The following ATXN1 variants were observed in gnomAD, a reference collection of about 807,000 sequenced individuals.
ATXN1 encodes ataxin-1.
In ATXN1, 8 loss-of-function variants were observed where a neutral mutation model predicts 56.4. That is an observed-to-expected ratio of 0.14 (90% CI 0.08 to 0.26). The LOEUF (loss-of-function observed/expected upper bound fraction) is 0.26. ATXN1 is among the 10% of genes least tolerant of loss of function. The pLI is 1.00. For synonymous variants in ATXN1, 514 were observed against 494.6 expected, an observed-to-expected ratio of 1.04 and a Z score of -0.52; for missense variants, 987 against 1,106.5, an observed-to-expected ratio of 0.89 and a Z score of 1.53.
intron 6 of ATXN1, among the ~76,000 whole-genome samples, chr6:16,465,365 G>T (rs1001478234): frequency 1.3e-5 from 2 of 152,240 alleles, no homozygotes; most frequent in African/African-American, 4.8e-5. Context: ...GCTGAGGCAG[G>T]AGAATTGCTT....
chr6:16,577,102 C>T (rs1463396751), intron 4 of ATXN1, among the ~76,000 whole-genome samples: 3 of 152,176 alleles, frequency 2.0e-5, no homozygotes, highest in South Asian at 2.1e-4. Flanking sequence ...TGTCCCCAGA[C>T]CACAGACACA....
intron 3 of ATXN1, among the ~76,000 whole-genome samples, chr6:16,611,877 T>TTC (rs1164687959): frequency 1.4e-5 from 2 of 138,264 alleles, no homozygotes; most frequent in African/African-American, 3.0e-5. Flanking sequence ...TTTTTTTTTT[T>TTC]GAGACAGAGT....
At chr6:16,640,396 G>T (rs1441081351) in intron 3 of ATXN1, among the ~76,000 whole-genome samples, 1 of 152,068 alleles carries the variant, frequency 6.6e-6, no homozygotes, top group East Asian at 1.9e-4. Flanking sequence ...CAAGAATATT[G>T]AAGTTGGCCA....
At chr6:16,447,860 T>C (rs1435381179) in intron 6 of ATXN1, among the ~76,000 whole-genome samples, 2 of 152,250 alleles carry the variant, frequency 1.3e-5, no homozygotes, top group African/African-American at 4.8e-5. Flanking sequence ...CTGCGTTTTA[T>C]TTTTAAATTG....
Position 16,635,807 on chromosome 6 carries a change from A to G in ATXN1, c.-489+21969T>C, listed in dbSNP as rs1328776561. On this transcript the variant is annotated intron_variant, in intron 3 of 7. Transcript: ENST00000436367. ...GCATCCTGAAAACATGAGTGGAGGAAGGCTGAGCAGGTGTGGGCTGGGGAG... is the reference window on the plus strand; with the variant it reads ...GCATCCTGAAAACATGAGTGGAGGAGGGCTGAGCAGGTGTGGGCTGGGGAG... Among the ~76,000 whole-genome samples, 3 of 152,342 alleles carry G rather than the reference A, an allele frequency of 2.0e-5. No individual in the cohort carries two copies. In the East Asian group the frequency reaches 5.8e-4, roughly 29 times the overall value.
At chr6:16,662,335 CTTTT>C (rs56275788) in intron 2 of ATXN1, among the ~76,000 whole-genome samples, 1 of 150,680 alleles carries the variant, frequency 6.6e-6, no homozygotes, top group Non-Finnish European at 1.5e-5. Context: ...CATCAAACTT[CTTTT>C]TTTTTTTTTT....
At chr6:16,439,726 G>T (rs1759475037) in intron 6 of ATXN1, among the ~76,000 whole-genome samples, 1 of 152,122 alleles carries the variant, frequency 6.6e-6, no homozygotes, top group Non-Finnish European at 1.5e-5. Flanking sequence ...AGTATTTGAG[G>T]TTTAATCCAG....
intron 5 of ATXN1, among the ~76,000 whole-genome samples, chr6:16,490,104 CCTGT>C (rs746320328): frequency 8.1e-5 from 12 of 147,706 alleles, no homozygotes; most frequent in Non-Finnish European, 1.6e-4. Flanking sequence ...AGCAATGATA[CCTGT>C]CTATTTCAAA....
chr6:16,719,571 T>A (rs185684816), intron 2 of ATXN1, among the ~76,000 whole-genome samples: 2 of 152,192 alleles, frequency 1.3e-5, no homozygotes, highest in South Asian at 2.1e-4. Context: ...GAAACAAGAA[T>A]AAGAAGATAA....
chr6:16,701,373 C>T (rs765209487), intron 2 of ATXN1, among the ~76,000 whole-genome samples: 35 of 152,248 alleles, frequency 2.3e-4, no homozygotes, highest in African/African-American at 4.3e-4. Flanking sequence ...CATCTATAAA[C>T]GGGGCAGAGA....
chr6:16,501,848 T>C (rs1760892306), intron 5 of ATXN1, among the ~76,000 whole-genome samples: 1 of 152,188 alleles, frequency 6.6e-6, no homozygotes, highest in Admixed American at 6.5e-5. Flanking sequence ...AGTAACGGGA[T>C]TGCTGGGTCA....
intron 2 of ATXN1, among the ~76,000 whole-genome samples, chr6:16,671,663 T>C (rs1303628336): frequency 6.6e-6 from 1 of 152,206 alleles, no homozygotes; most frequent in Non-Finnish European, 1.5e-5. Context: ...TAGTTCTTAC[T>C]GAACATTAGT....
chr6:16,628,296 G>A (rs572592255), intron 3 of ATXN1, among the ~76,000 whole-genome samples: 1 of 152,256 alleles, frequency 6.6e-6, no homozygotes, highest in South Asian at 2.1e-4. Context: ...AGGCCCAGCC[G>A]TGCCCGTCCC....
At chr6:16,727,685 A>G (rs961903149) in intron 2 of ATXN1, among the ~76,000 whole-genome samples, 1 of 152,214 alleles carries the variant, frequency 6.6e-6, no homozygotes. Context: ...AGCTGTTATT[A>G]GTCTGTGACA....
rs76859260 is a variant in ATXN1 at position 16,693,126 on chromosome 6, T to C, written c.-614-35225A>G. On this transcript the variant is annotated intron_variant, in intron 2 of 7. Transcript: ENST00000436367. ...CGTAATAGTACCAGAAGAACTGATATCTACCTACTAACAGGGCCACTGTGA... is the reference window on the plus strand; with the variant it reads ...CGTAATAGTACCAGAAGAACTGATACCTACCTACTAACAGGGCCACTGTGA... 5.6e-3 allele frequency among the ~76,000 whole-genome samples: 851 copies of C among 152,304 alleles called. 15 individuals are homozygous for C. Among genetic ancestry groups the C allele is most frequent in the Admixed American group, 0.032 (492 of 15,304 alleles).
chr6:16,307,520 A>C (rs1760279530), intron 7 of ATXN1, among the ~76,000 whole-genome samples: 1 of 151,854 alleles, frequency 6.6e-6, no homozygotes, highest in Admixed American at 6.6e-5. Context: ...AATAAAAAAA[A>C]AAAATTAGCC....
chr6:16,629,961 A>G lies in ATXN1; in HGVS notation c.-489+27815T>C, dbSNP rs75596063. On this transcript the variant is annotated intron_variant, in intron 3 of 7. Coordinates refer to ENST00000436367, the MANE Select transcript of ATXN1 (RefSeq NM_001128164.2). Reference sequence around the variant, plus strand: ...AAATTTCTTAATGTTGCCTTCTTAGAGTCTGTATAACCTTCTTCTGGAAAG... The same window carrying G: ...AAATTTCTTAATGTTGCCTTCTTAGGGTCTGTATAACCTTCTTCTGGAAAG... Among the ~76,000 whole-genome samples, 912 of 152,194 alleles carry G rather than the reference A, an allele frequency of 6.0e-3. 7 individuals carry two copies. Among genetic ancestry groups the G allele is most frequent in the African/African-American group, 0.021 (890 of 41,514 alleles).
chr6:16,613,628 G>A (rs1763154112), intron 3 of ATXN1, among the ~76,000 whole-genome samples: 1 of 151,970 alleles, frequency 6.6e-6, no homozygotes, highest in Non-Finnish European at 1.5e-5. Flanking sequence ...TTTGAGACCA[G>A]CCTGAGCAAT....
intron 2 of ATXN1, among the ~76,000 whole-genome samples, chr6:16,748,853 A>T (rs1167495226): frequency 1.3e-5 from 2 of 152,134 alleles, no homozygotes; most frequent in Non-Finnish European, 2.9e-5. Flanking sequence ...AGCACCAAAA[A>T]AAAAAACCAC....
Sources: gnomAD v4.1 joint callset for allele counts (sites outside exome capture counted in the v4.1 genomes callset) on GRCh38, gnomAD v4.1.1 for gene constraint, MANE v1.5 for transcripts, NCBI Gene and HGNC (gene_info 2026-07-23, HGNC 2026-07-21) for gene names.